PHF24: variants seen among roughly 807,000 people sequenced by gnomAD.
The protein encoded by PHF24 is Galpha inhibitory interacting protein.
Under a neutral mutation model 42.6 loss-of-function variants are expected in PHF24, and 25 were observed. That is an observed-to-expected ratio of 0.59 (90% confidence interval 0.43 to 0.82). The LOEUF (loss-of-function observed/expected upper bound fraction) is 0.82, where lower values mean the gene tolerates loss of function less well. PHF24 is among the 40% of genes least tolerant of loss of function. The pLI is 0.00. For synonymous variants in PHF24, 185 were observed against 204.8 expected, an observed-to-expected ratio of 0.90 and a Z score of 0.83; for missense variants, 470 against 538.1, an observed-to-expected ratio of 0.87 and a Z score of 1.25.
the PHF24 span, among the ~76,000 whole-genome samples, chr9:34,850,854 A>G: frequency 6.6e-6 from 1 of 152,194 alleles, no homozygotes; most frequent in Non-Finnish European, 1.5e-5. Flanking sequence ...GGAGTTTGCT[A>G]GAGGTCCACT....
the PHF24 span, among the ~76,000 whole-genome samples, chr9:34,755,488 G>A: frequency 6.6e-6 from 1 of 151,960 alleles, no homozygotes; most frequent in African/African-American, 2.4e-5. Context: ...CAGTGATGTT[G>A]AGCATTTTTT....
chr9:34,761,147 C>A, the PHF24 span, among the ~76,000 whole-genome samples: 9 of 152,210 alleles, frequency 5.9e-5, no homozygotes, highest in African/African-American at 2.2e-4. Flanking sequence ...GGAAAAAATG[C>A]CATTAAGAGT....
At chr9:34,779,189 A>G in the PHF24 span, among the ~76,000 whole-genome samples, 1 of 152,044 alleles carries the variant, frequency 6.6e-6, no homozygotes, top group African/African-American at 2.4e-5. Context: ...TGAAACTGGA[A>G]AAAGAAGAGC....
the PHF24 span, chr9:34,728,572 C>A: frequency 1.3e-6 from 2 of 1,544,824 alleles, no homozygotes; most frequent in Non-Finnish European, 1.8e-6. Context: ...GAAACACCCA[C>A]AGTGGAAGGG....
chr9:34,749,219 A>AT, the PHF24 span, among the ~76,000 whole-genome samples: 1 of 152,270 alleles, frequency 6.6e-6, no homozygotes, highest in African/African-American at 2.4e-5. Flanking sequence ...GATCTAGAAA[A>AT]TACCCTCAAA....
chr9:34,874,547 GT>G, the PHF24 span, among the ~76,000 whole-genome samples: 2 of 151,970 alleles, frequency 1.3e-5, no homozygotes, highest in Admixed American at 1.3e-4. Flanking sequence ...GATTGACTCT[GT>G]TTTTTTCTCT....
the PHF24 span, among the ~76,000 whole-genome samples, chr9:34,823,579 C>T: frequency 6.6e-6 from 1 of 152,118 alleles, no homozygotes; most frequent in Non-Finnish European, 1.5e-5. Context: ...AGAGATGTTC[C>T]ATCCTGGAGA....
At chr9:34,782,150 C>T in the PHF24 span, among the ~76,000 whole-genome samples, 2 of 152,148 alleles carry the variant, frequency 1.3e-5, no homozygotes, top group East Asian at 3.8e-4. Flanking sequence ...TTACAAAACT[C>T]ACTGAAGTGC....
chr9:34,941,988 A>G, the PHF24 span, among the ~76,000 whole-genome samples: 2 of 152,234 alleles, frequency 1.3e-5, no homozygotes, highest in Admixed American at 1.3e-4. Context: ...ATAGTGCCAC[A>G]TCAAGGGCAC....
the PHF24 span, chr9:34,837,551 A>G: frequency 1.2e-6 from 1 of 839,446 alleles, no homozygotes; most frequent in Non-Finnish European, 1.9e-6. Context: ...TGGAGTCTTC[A>G]GTGGCAGAGC....
chr9:34,971,259 T>C, intron 1 of PHF24, 36 bp from the exon 2 acceptor site: 1 of 1,549,872 alleles, frequency 6.5e-7, no homozygotes, highest in Non-Finnish European at 8.7e-7. Flanking sequence ...CCTCAGCCAT[T>C]GGCTGAACCT....
At chr9:34,842,076 G>A in the PHF24 span, among the ~76,000 whole-genome samples, 6 of 151,980 alleles carry the variant, frequency 3.9e-5, no homozygotes, top group Admixed American at 1.3e-4. Flanking sequence ...TTATATAAAC[G>A]TAATCATGCA....
the PHF24 span, among the ~76,000 whole-genome samples, chr9:34,854,784 G>A: frequency 3.0e-4 from 46 of 152,214 alleles, no homozygotes; most frequent in African/African-American, 1.0e-3. Context: ...TGTAGATATC[G>A]ATCAGGTCCA....
At chr9:34,780,675 AAAGGACAGCATC>A in the PHF24 span, among the ~76,000 whole-genome samples, 121 of 152,330 alleles carry the variant, frequency 7.9e-4, no homozygotes, top group Middle Eastern at 3.4e-3. Flanking sequence ...TTTGTGCATC[AAAGGACAGCATC>A]AAGGGAGTGA....
exon 2 of PHF24, chr9:34,971,444 A>G: frequency 6.2e-7 from 1 of 1,614,116 alleles, no homozygotes; most frequent in Non-Finnish European, 8.5e-7. Flanking sequence ...GGCACTGTAG[A>G]GGGCTCCGTC....
the PHF24 span, among the ~76,000 whole-genome samples, chr9:34,927,287 A>G: frequency 6.6e-6 from 1 of 152,174 alleles, no homozygotes; most frequent in African/African-American, 2.4e-5. Context: ...CATTCAGCCA[A>G]CCGTGTGGTG....
At chr9:34,854,386 T>C in the PHF24 span, among the ~76,000 whole-genome samples, 1 of 152,164 alleles carries the variant, frequency 6.6e-6, no homozygotes, top group East Asian at 1.9e-4. Context: ...ATTTGAGATC[T>C]TTCTAGCTTT....
At chr9:34,726,408 T>C in the PHF24 span, 10 of 1,548,978 alleles carry the variant, frequency 6.5e-6, no homozygotes, top group South Asian at 2.4e-5. Context: ...GGGAGGACCA[T>C]ATGCAAGGCC....
At chr9:34,705,541 AAAGTGTTGGGATT>A in the PHF24 span, among the ~76,000 whole-genome samples, 4 of 152,170 alleles carry the variant, frequency 2.6e-5, no homozygotes, top group African/African-American at 9.7e-5. Context: ...TTGGCCTCCC[AAAGTGTTGGGATT>A]ACAGGCGTAA....
Sources: gnomAD v4.1 joint callset for allele counts (sites outside exome capture counted in the v4.1 genomes callset) on GRCh38, gnomAD v4.1.1 for gene constraint, MANE v1.5 for transcripts, NCBI Gene and HGNC (gene_info 2026-07-23, HGNC 2026-07-21) for gene names.